STK3: variants seen among roughly 807,000 people sequenced by gnomAD.
STK3 encodes the protein serine/threonine-protein kinase 3.
Under a neutral mutation model 58.0 loss-of-function variants are expected in STK3, and 41 were observed. The observed-to-expected ratio is 0.71, with a 90% CI of 0.55 to 0.92. The LOEUF is 0.92. STK3 is among the 40% of genes least tolerant of loss of function. The probability of loss-of-function intolerance (pLI) is 0.00; values close to 1 mark genes in which losing one functional copy is unlikely to be tolerated. For missense variants in STK3, 479 were observed against 602.7 expected, an observed-to-expected ratio of 0.79 and a Z score of 2.15; for synonymous variants, 170 against 191.0, an observed-to-expected ratio of 0.89 and a Z score of 0.91.
chr8:98,490,337 AATG>A lies in STK3; in HGVS notation c.1318-34340_1318-34338del, dbSNP rs565303144. Among the ~76,000 whole-genome samples, 540 of 152,332 alleles carry A rather than the reference AATG, an allele frequency of 3.5e-3. 3 individuals are homozygous for A. The highest frequency in any genetic ancestry group is 0.012 in the African/African-American group (500 of 41,572). ...GATAACTGTATTTTCAATTTCAAAT[AATG>A]ATGACACTTCTCACTTCCTTTGCAA... On this transcript the variant is annotated intron_variant, in intron 10 of 10. Transcript: ENST00000419617.
chr8:98,840,583 GTATATATA>G (rs59274441), intron 3 of STK3, among the ~76,000 whole-genome samples: 1,110 of 80,068 alleles, frequency 0.014, 23 homozygotes, highest in Middle Eastern at 0.04. Context: ...AGAAAAAAAT[GTATATATA>G]TATATATATA....
intron 1 of STK3, among the ~76,000 whole-genome samples, chr8:98,899,659 A>G (rs1838583216): frequency 1.3e-5 from 2 of 152,146 alleles, no homozygotes; most frequent in Admixed American, 1.3e-4. Flanking sequence ...CCAATTTCCC[A>G]TGGGTGCTGG....
intron 6 of STK3, among the ~76,000 whole-genome samples, chr8:98,636,088 A>G (rs1278218566): frequency 6.6e-6 from 1 of 152,134 alleles, no homozygotes; most frequent in East Asian, 1.9e-4. Context: ...AAACAGAACA[A>G]TGATAATAAT....
chr8:98,609,731 C>T (rs559581539), intron 6 of STK3, among the ~76,000 whole-genome samples: 275 of 152,146 alleles, frequency 1.8e-3, no homozygotes, highest in Middle Eastern at 3.4e-3. Flanking sequence ...GAGGCTGACG[C>T]GGGTGGATCA....
chr8:98,370,345 G>A (rs995877172), downstream of STK3, among the ~76,000 whole-genome samples: 2 of 128,310 alleles, frequency 1.6e-5, no homozygotes, highest in East Asian at 4.7e-4. Context: ...CCTCTGCAGT[G>A]TGTGTGTGTG....
chr8:98,737,952 C>T (rs112439343), intron 4 of STK3, among the ~76,000 whole-genome samples: 4,565 of 152,234 alleles, frequency 0.03, 141 homozygotes, highest in African/African-American at 0.078. Context: ...TCAGGTGATC[C>T]ACCTGCCTTG....
At chr8:98,593,551 T>C (rs2129939512) in intron 7 of STK3, among the ~76,000 whole-genome samples, 1 of 152,324 alleles carries the variant, frequency 6.6e-6, no homozygotes, top group African/African-American at 2.4e-5. Context: ...GCCTGAACTC[T>C]GCCTACTGTC....
chr8:98,669,145 C>T (rs1171584070), intron 6 of STK3, among the ~76,000 whole-genome samples: 1 of 151,816 alleles, frequency 6.6e-6, no homozygotes, highest in Non-Finnish European at 1.5e-5. Context: ...TACAGGCACG[C>T]ACCACCACAC....
intron 3 of STK3, among the ~76,000 whole-genome samples, chr8:98,831,955 A>G (rs1835546116): frequency 6.6e-6 from 1 of 152,220 alleles, no homozygotes; most frequent in African/African-American, 2.4e-5. Context: ...TACAAGTAAC[A>G]ACTCAAAATG....
In STK3 at chr8:98,906,723, T is replaced by C. The variant is rs372636007; in HGVS notation, c.-78-22889A>G. Among the ~76,000 whole-genome samples, 9 of 152,366 alleles carry C rather than the reference T, an allele frequency of 5.9e-5. No individual in the cohort carries two copies. The East Asian group carries it at 1.7e-3, about 29-fold the overall frequency. On this transcript the variant is annotated intron_variant, in intron 1 of 1. Coordinates refer to the STK3 transcript ENST00000519420. ...TCATGAAAACATTTTATTCAAACTT[T>C]TTAAAGGCATGTTTCATGTCAGTGT... is the stretch of plus-strand genomic sequence containing the variant.
chr8:98,737,173 T>C, intron 4 of STK3, among the ~76,000 whole-genome samples: 1 of 152,160 alleles, frequency 6.6e-6, no homozygotes, highest in East Asian at 1.9e-4. Flanking sequence ...GTTAAAGCTG[T>C]CAATAAAGTT....
intron 9 of STK3, among the ~76,000 whole-genome samples, chr8:98,542,805 C>A (rs1810399644): frequency 1.3e-5 from 2 of 152,210 alleles, no homozygotes; most frequent in Non-Finnish European, 2.9e-5. Context: ...CACACCTGCA[C>A]ATATACACAC....
chr8:98,934,303 G>A (rs1051036750), intron 1 of STK3, among the ~76,000 whole-genome samples: 2 of 152,150 alleles, frequency 1.3e-5, no homozygotes, highest in Non-Finnish European at 2.9e-5. Flanking sequence ...CTGACACCTA[G>A]TACATATCTG....
chr8:98,733,720 T>C (rs949284766), intron 4 of STK3, among the ~76,000 whole-genome samples: 2 of 152,176 alleles, frequency 1.3e-5, no homozygotes. Context: ...GCTTTTTACA[T>C]ACCTATTACC....
intron 6 of STK3, among the ~76,000 whole-genome samples, chr8:98,617,136 C>T (rs1817809425): frequency 6.6e-6 from 1 of 151,872 alleles, no homozygotes; most frequent in African/African-American, 2.4e-5. Context: ...TGCAATCAAA[C>T]TAGAATTCAA....
chr8:98,619,130 G>A (rs1258038797), intron 6 of STK3, among the ~76,000 whole-genome samples: 1 of 150,766 alleles, frequency 6.6e-6, no homozygotes, highest in African/African-American at 2.4e-5. Context: ...TAGATCAATG[G>A]AACAGAACAG....
intron 6 of STK3, among the ~76,000 whole-genome samples, chr8:98,700,034 G>C (rs531152292): frequency 1.3e-5 from 2 of 152,186 alleles, no homozygotes; most frequent in Non-Finnish European, 2.9e-5. Flanking sequence ...GGAGCTTCCC[G>C]GCTGCTTTGT....
upstream of STK3, among the ~76,000 whole-genome samples, chr8:98,830,306 C>T (rs770123639): frequency 6.6e-6 from 1 of 152,056 alleles, no homozygotes; most frequent in East Asian, 1.9e-4. Flanking sequence ...AAGGCCTCAA[C>T]GAGAGAGTGA....
chr8:98,940,130 A>AC (rs1840352260), intron 1 of STK3, among the ~76,000 whole-genome samples: 1 of 150,750 alleles, frequency 6.6e-6, no homozygotes, highest in African/African-American at 2.4e-5. Context: ...GCCCGCTCCT[A>AC]CCCCCTCGGC....
Sources: allele counts gnomAD v4.1 joint callset (sites outside exome capture counted in the v4.1 genomes callset), GRCh38; gene constraint gnomAD v4.1.1; transcripts MANE v1.5; gene names NCBI Gene and HGNC (gene_info 2026-07-23, HGNC 2026-07-21).